Variants in MUC22 observed in about 807,000 individuals in gnomAD.
The protein encoded by MUC22 is mucin 22, also known as mucin-22.
MUC22 carries 24 observed loss-of-function variants against 40.3 expected under a neutral mutation model. The ratio of observed to expected loss-of-function variants is 0.60; its 90% CI spans 0.43 to 0.84. The LOEUF is 0.84. Among genes scored for constraint, MUC22 ranks in the 40% least tolerant of loss-of-function variants. MUC22 has a pLI of 0.00. For synonymous variants in MUC22, 765 were observed against 844.5 expected (o/e 0.91, Z 1.63); for missense variants, 1,926 against 2,130.7 (o/e 0.90, Z 1.89).
chr6:31,017,300 C>G (rs911346154), intron 1 of MUC22, among the ~76,000 whole-genome samples: 7 of 152,242 alleles, frequency 4.6e-5, no homozygotes, highest in African/African-American at 1.7e-4. Context: ...TTATGTCTAG[C>G]TAAGGGATTG....
exon 2 of MUC22, chr6:31,028,561 A>C: frequency 6.5e-7 from 1 of 1,533,984 alleles, no homozygotes; most frequent in Non-Finnish European, 8.7e-7. Flanking sequence ...AGGCTCTGAG[A>C]CCACCAAGGT....
At chr6:31,028,681 A>G (rs1685016897) in exon 2 of MUC22, 1 of 1,532,560 alleles carries the variant, frequency 6.5e-7, no homozygotes, top group South Asian at 1.2e-5. Flanking sequence ...AGGCTCTGAG[A>G]CCATCCCAGC....
In MUC22 at chr6:31,029,619, TAC is replaced by T; in HGVS notation, c.4190_4191del (p.Thr1397SerfsTer7). The T allele has an allele frequency of 6.6e-7, 1 of 1,525,646 alleles. No individual in the cohort carries two copies. The highest frequency in any genetic ancestry group is 8.7e-7 in the Non-Finnish European group (1 of 1,143,900). The allele number at this position is 1,525,646 out of a possible 1,614,324, so 94.5% of individuals were successfully genotyped here. A position where few individuals can be genotyped will look rare whatever the true frequency, so the allele number is the denominator to read the frequency against. On this transcript the variant is annotated frameshift_variant, in exon 2 of 4. Transcript: ENST00000561890. LOFTEE classifies it high-confidence loss of function. Reference sequence around the variant, plus strand: ...CCTCTACCACAGGCTCTGAGATGACTACAGTCTTTACCACAGTCTCTGAGACC... The same window carrying T: ...CCTCTACCACAGGCTCTGAGATGACTAGTCTTTACCACAGTCTCTGAGACC...
At chr6:31,007,840 T>C (rs1297466147), upstream of MUC22, among the ~76,000 whole-genome samples, 2 of 152,172 alleles carry the variant, frequency 1.3e-5, no homozygotes, top group Non-Finnish European at 2.9e-5. This position sits in a 1 kb window ranked among gnomAD's most constrained non-coding sequence, Gnocchi z 4.0. Context: ...CCCTCATGAC[T>C]CAGACTCTCC....
chr6:31,012,441 G>A (rs1293242977), intron 1 of MUC22, among the ~76,000 whole-genome samples: 2 of 152,084 alleles, frequency 1.3e-5, no homozygotes, highest in Non-Finnish European at 2.9e-5. Context: ...AGTCCTATCT[G>A]TCTGATTTTA....
At chr6:31,019,352 C>G (rs1764501260) in intron 1 of MUC22, among the ~76,000 whole-genome samples, 1 of 152,210 alleles carries the variant, frequency 6.6e-6, no homozygotes, top group Non-Finnish European at 1.5e-5. Context: ...CTAGTTCAAG[C>G]AATAATTACT....
At chr6:31,028,623 C>A (rs969029637) in exon 2 of MUC22, 8 of 1,534,788 alleles carry the variant, frequency 5.2e-6, no homozygotes, top group Non-Finnish European at 7.0e-6. Flanking sequence ...ACTCTGAGAC[C>A]ACCATAGCCT....
chr6:31,022,907 A>T (rs1051413623), intron 1 of MUC22, among the ~76,000 whole-genome samples: 1 of 152,218 alleles, frequency 6.6e-6, no homozygotes, highest in Non-Finnish European at 1.5e-5. Context: ...AGGCAGGTGG[A>T]TCACTTGAGG....
chr6:31,028,001 C>T, exon 2 of MUC22: 1 of 1,533,192 alleles, frequency 6.5e-7, no homozygotes, highest in Non-Finnish European at 8.7e-7. Flanking sequence ...GAGAACACCA[C>T]AGCATCTACT....
At chr6:31,023,382 AAATT>A in intron 1 of MUC22, among the ~76,000 whole-genome samples, 1 of 151,972 alleles carries the variant, frequency 6.6e-6, no homozygotes. Context: ...CAAGAAATAA[AAATT>A]AAAAAGTAAT....
At chr6:31,027,059 C>T (rs1242163672) in exon 2 of MUC22, 6 of 1,498,074 alleles carry the variant, frequency 4.0e-6, no homozygotes, top group East Asian at 2.5e-5. Flanking sequence ...ACTACAGGCT[C>T]TGAGCCTACC....
At chr6:31,022,516 A>G (rs1473757660) in intron 1 of MUC22, among the ~76,000 whole-genome samples, 2 of 152,004 alleles carry the variant, frequency 1.3e-5, no homozygotes, top group African/African-American at 4.8e-5. Flanking sequence ...CTATGCAAAA[A>G]AGAATGAAGT....
exon 2 of MUC22, chr6:31,025,998 TACCACAGGCTCTGAGACCACCACCACC>T: frequency 3.9e-6 from 6 of 1,531,704 alleles, no homozygotes; most frequent in Non-Finnish European, 5.2e-6. Context: ...CCACAGTCTC[TACCACAGGCTCTGAGACCACCACCACC>T]TCCACTGCAA....
chr6:31,022,406 C>G (rs1221782931), intron 1 of MUC22, among the ~76,000 whole-genome samples: 4 of 152,144 alleles, frequency 2.6e-5, no homozygotes, highest in Admixed American at 2.6e-4. Flanking sequence ...ATCTGCCTGC[C>G]TCTGCTTCCC....
At chr6:31,027,050 C>A (rs1360243261) in exon 2 of MUC22, 1 of 1,497,818 alleles carries the variant, frequency 6.7e-7, no homozygotes, top group East Asian at 2.5e-5. Flanking sequence ...GCAGCCTCTA[C>A]TACAGGCTCT....
In MUC22 at chr6:31,022,301, G is replaced by A. The variant is rs539565062; in HGVS notation, c.71-3201G>A. 8.5e-5 allele frequency among the ~76,000 whole-genome samples: 13 copies of A among 152,192 alleles called. No individual in the cohort carries two copies. The East Asian group carries it at 2.1e-3, about 25-fold the overall frequency. On this transcript the variant is annotated intron_variant, in intron 1 of 3. Coordinates refer to ENST00000561890, the Ensembl canonical transcript of MUC22. The stretch of plus-strand genomic sequence containing the variant: ...GCTTCTCGAGTAGCTGGGATTACAG[G>A]CATGTAATTAGCCACACCATGCCTG...
intron 1 of MUC22, among the ~76,000 whole-genome samples, chr6:31,017,553 T>A (rs1032710861): frequency 5.3e-5 from 8 of 152,140 alleles, no homozygotes; most frequent in African/African-American, 1.7e-4. Context: ...GGATTGTAAA[T>A]ACACCAATCA....
chr6:31,016,756 C>T (rs1403838306), intron 1 of MUC22, among the ~76,000 whole-genome samples: 5 of 152,212 alleles, frequency 3.3e-5, no homozygotes, highest in Non-Finnish European at 7.4e-5. Flanking sequence ...TGGCCGAGGC[C>T]GGAGCCAGCT....
intron 3 of MUC22, among the ~76,000 whole-genome samples, chr6:31,033,287 GAAAC>G (rs1766208652): frequency 6.6e-6 from 1 of 150,756 alleles, no homozygotes; most frequent in African/African-American, 2.4e-5. Context: ...AAGAAAGAAA[GAAAC>G]TGAGAGAGAA....
Sources: allele counts gnomAD v4.1 joint callset (sites outside exome capture counted in the v4.1 genomes callset), GRCh38; gene constraint gnomAD v4.1.1; non-coding constraint Gnocchi (gnomAD v3.1); transcripts MANE v1.5; gene names NCBI Gene and HGNC (gene_info 2026-07-23, HGNC 2026-07-21).